MARK4: variants seen among roughly 807,000 people sequenced by gnomAD.
MARK4 encodes microtubule affinity regulating kinase 4.
Under a neutral mutation model 81.5 loss-of-function variants are expected in MARK4, and 19 were observed. That is an observed-to-expected ratio of 0.23 (90% CI 0.16 to 0.34). The LOEUF (loss-of-function observed/expected upper bound fraction) is 0.34, where lower values mean the gene tolerates loss of function less well. Among genes scored for constraint, MARK4 ranks in the 10% least tolerant of loss-of-function variants. The pLI is 1.00. For synonymous variants in MARK4, 436 were observed against 439.0 expected (o/e 0.99, Z 0.08); for missense variants, 772 against 1,058.8 (o/e 0.73, Z 3.76).
chr19:45,271,570 C>T lies in MARK4; in HGVS notation c.648C>T (p.Cys216=), dbSNP rs1369488450. Residue 216 remains cysteine, a synonymous_variant, in exon 8 of 17, where the codon TGC becomes TGT. Coordinates refer to ENST00000262891, the MANE Select transcript of MARK4 (RefSeq NM_001199867.2). The surrounding 1 kb of genome is among the most constrained non-coding windows in gnomAD (Gnocchi z 4.1). ...FTLGSKLDTF[C]GSPPYAAPEL... is the part of the protein sequence containing the mutation. ...TGGGATCGAAGCTGGACACGTTCTG[C>T]GGGAGCCCCCCATATGCCGCCCCGG... 2.6e-5 allele frequency: 42 copies of T among 1,614,230 alleles called. No homozygotes were observed. Among genetic ancestry groups the T allele is most frequent in the South Asian group, 5.5e-5 (5 of 91,092 alleles).
Position 45,271,381 on chromosome 19 carries a change from C to T in MARK4, c.550-91C>T, listed in dbSNP as rs1032221781. ...CCAAGAGTTGATCCCTGTGGGCCAG[C>T]CCTAGAGCCTGTGCTCCTGTCTGCC... On this transcript the variant is annotated intron_variant, in intron 7 of 16. Coordinates refer to ENST00000262891, the MANE Select transcript of MARK4 (RefSeq NM_001199867.2). The surrounding 1 kb of genome is among the most constrained non-coding windows in gnomAD (Gnocchi z 4.1). 3.1e-6 allele frequency: 4 copies of T among 1,301,982 alleles called. No individual in the cohort carries two copies. The Admixed American group carries it at 7.1e-5, about 23-fold the overall frequency. 80.7% of individuals were successfully genotyped at this position (1,301,982 alleles called of 1,614,324 possible).
At chr19:45,292,092 T>G (rs1970827308) in intron 13 of MARK4, among the ~76,000 whole-genome samples, 1 of 152,190 alleles carries the variant, frequency 6.6e-6, no homozygotes, top group Non-Finnish European at 1.5e-5. Flanking sequence ...TTTTTGCATC[T>G]GAGTTCCCAA....
intron 1 of MARK4, among the ~76,000 whole-genome samples, chr19:45,257,032 C>A (rs1970315634): frequency 1.3e-5 from 2 of 151,980 alleles, no homozygotes; most frequent in Non-Finnish European, 2.9e-5. Flanking sequence ...TAGCTCACTG[C>A]AGCCTTAACC....
intron 13 of MARK4, among the ~76,000 whole-genome samples, chr19:45,292,715 A>G (rs1385298783): frequency 6.6e-6 from 1 of 151,916 alleles, no homozygotes; most frequent in Non-Finnish European, 1.5e-5. Flanking sequence ...TCTGCCAAAA[A>G]TAAAAATTAG....
At chr19:45,258,335 A>G (rs534048703) in intron 1 of MARK4, among the ~76,000 whole-genome samples, 2 of 152,280 alleles carry the variant, frequency 1.3e-5, no homozygotes, top group African/African-American at 2.4e-5. Context: ...ATTCATGTGC[A>G]TTGCTTTTTT....
At chr19:45,291,462 A>G (rs190013900) in intron 13 of MARK4, among the ~76,000 whole-genome samples, 98 of 152,356 alleles carry the variant, frequency 6.4e-4, no homozygotes, top group African/African-American at 2.1e-3. Flanking sequence ...CCTGGCCAAC[A>G]TGGCAAAATC....
At position 45,278,519 on chromosome 19, in the gene MARK4, A is replaced by G. The variant is rs1970630926; in HGVS notation, c.910A>G (p.Ile304Val). 1 of 1,613,904 alleles carries G rather than the reference A, an allele frequency of 6.2e-7. No homozygotes were observed. Among genetic ancestry groups the G allele is most frequent in the South Asian group, 1.1e-5 (1 of 91,068 alleles). Reference protein sequence around the residue: ...NPAKRCTLEQIMKDKWINIGY... With the variant: ...NPAKRCTLEQVMKDKWINIGY... ...TCCCTGCTCCTGATGCCTGCAGCAA[A>G]TCATGAAAGACAAATGGATCAACAT... is the stretch of plus-strand genomic sequence containing the variant. Residue 304 changes from isoleucine (I) to valine (V), a missense_variant, in exon 10 of 17, where the codon ATC becomes GTC. Transcript: ENST00000262891.
In MARK4 at chr19:45,302,309, C is replaced by T; in HGVS notation, c.1923-65C>T. 1 of 1,606,670 alleles carries T rather than the reference C, an allele frequency of 6.2e-7. No individual in the cohort carries two copies. The highest frequency in any genetic ancestry group is 8.5e-7 in the Non-Finnish European group (1 of 1,175,540). ...GTGTCCCGAATTGGGAAGAGTTGTC[C>T]CTTCAGCCCTCCACCACATTCCTCT... On this transcript the variant is annotated intron_variant, in intron 16 of 16. Transcript: ENST00000262891. This position sits in a 1 kb window ranked among gnomAD's most constrained non-coding sequence, Gnocchi z 4.9.
intron 16 of MARK4, 58 bp downstream of exon 16, chr19:45,299,913 C>T (rs987509653): frequency 4.8e-5 from 74 of 1,530,852 alleles, no homozygotes; most frequent in Non-Finnish European, 6.3e-5. Flanking sequence ...CAGCACCTCC[C>T]GACACTTACC....
intron 12 of MARK4, among the ~76,000 whole-genome samples, chr19:45,283,390 T>TA (rs1970701843): frequency 8.5e-6 from 1 of 117,920 alleles, no homozygotes; most frequent in Admixed American, 1.2e-4. Context: ...GCCTGGGCGA[T>TA]AAGAGTGAGA....
At chr19:45,285,446 T>C (rs548963274) in intron 12 of MARK4, among the ~76,000 whole-genome samples, 8 of 152,134 alleles carry the variant, frequency 5.3e-5, no homozygotes, top group African/African-American at 1.7e-4. Flanking sequence ...TGACCTCCCC[T>C]CCACACTGAA....
In MARK4 at chr19:45,299,882, G is replaced by T. The variant is rs764239347; in HGVS notation, c.1922+27G>T. 8.9e-6 allele frequency: 14 copies of T among 1,580,170 alleles called. No homozygotes were observed. The African/African-American group carries it at 1.9e-4, about 21-fold the overall frequency. ...TGAGTGCTTGGGCCTACCCCTGACTGCCACTTCCCCTCTCCTGCCTCAGCA... is the reference window on the plus strand; with the variant it reads ...TGAGTGCTTGGGCCTACCCCTGACTTCCACTTCCCCTCTCCTGCCTCAGCA... On this transcript the variant is annotated intron_variant, in intron 16 of 16. Coordinates refer to ENST00000262891, the MANE Select transcript of MARK4 (RefSeq NM_001199867.2).
chr19:45,251,658 C>T lies in MARK4; in HGVS notation c.51+19C>T. On this transcript the variant is annotated intron_variant, in intron 1 of 16. Coordinates refer to ENST00000262891, the MANE Select transcript of MARK4 (RefSeq NM_001199867.2). The stretch of plus-strand genomic sequence containing the variant: ...GGACACGGTGAGTGGGGCCCGGCCC[C>T]TTGGGGAGCCCTGGCTGGGTCCAGC... 1 of 1,519,234 alleles carries T rather than the reference C, an allele frequency of 6.6e-7. No homozygotes were observed. Among genetic ancestry groups the T allele is most frequent in the Non-Finnish European group, 8.8e-7 (1 of 1,136,088 alleles). 94.1% of individuals were successfully genotyped at this position (1,519,234 alleles called of 1,614,324 possible). A position where few individuals can be genotyped will look rare whatever the true frequency, so the allele number is the denominator to read the frequency against.
Position 45,261,592 on chromosome 19 carries a change from G to T in MARK4, c.253-1521G>T, listed in dbSNP as rs992735306. Among the ~76,000 whole-genome samples the T allele has an allele frequency of 7.2e-5, 11 of 152,296 alleles. No individual in the cohort carries two copies. In the East Asian group the frequency reaches 1.9e-3, roughly 27 times the overall value. On this transcript the variant is annotated intron_variant, in intron 2 of 16. Coordinates refer to ENST00000262891, the MANE Select transcript of MARK4 (RefSeq NM_001199867.2). ...CCTATATGTGGATCTGGTTCCAGGG[G>T]TTTCTGAGAGGGACCTGGCCCCATC...
At chr19:45,294,579 C>T in intron 14 of MARK4, 127 bp downstream of exon 14, 1 of 799,228 alleles carries the variant, frequency 1.3e-6, no homozygotes, top group Non-Finnish European at 2.0e-6. Flanking sequence ...GTGTATCTGC[C>T]CTGCCCTTGG....
intron 15 of MARK4, among the ~76,000 whole-genome samples, chr19:45,299,313 A>G (rs1970934536): frequency 6.6e-6 from 1 of 152,138 alleles, no homozygotes; most frequent in Non-Finnish European, 1.5e-5. Flanking sequence ...AGTCCCAGCT[A>G]CTTCAGGGGC....
chr19:45,257,694 T>A (rs1260535739), intron 1 of MARK4, among the ~76,000 whole-genome samples: 7 of 146,832 alleles, frequency 4.8e-5, no homozygotes, highest in Non-Finnish European at 9.0e-5. Context: ...ATAATATTTT[T>A]TTTTTTTTTT....
intron 13 of MARK4, among the ~76,000 whole-genome samples, chr19:45,290,545 G>A (rs187001392): frequency 9.2e-5 from 14 of 152,362 alleles, no homozygotes; most frequent in South Asian, 6.2e-4. Flanking sequence ...GACTGTGACC[G>A]GCTTTGACCA....
At chr19:45,272,604 A>G (rs1970544337) in intron 8 of MARK4, among the ~76,000 whole-genome samples, 1 of 152,040 alleles carries the variant, frequency 6.6e-6, no homozygotes, top group South Asian at 2.1e-4. Context: ...AATTCAATGT[A>G]GTGGCCGGCC....
Sources: allele counts gnomAD v4.1 joint callset (sites outside exome capture counted in the v4.1 genomes callset), GRCh38; gene constraint gnomAD v4.1.1; non-coding constraint Gnocchi (gnomAD v3.1); transcripts MANE v1.5; gene names NCBI Gene and HGNC (gene_info 2026-07-23, HGNC 2026-07-21).